STAB2: variants seen among roughly 807,000 people sequenced by gnomAD.
The protein encoded by STAB2 is stabilin 2, also known as stabilin-2.
Under a neutral mutation model 338.1 loss-of-function variants are expected in STAB2, and 288 were observed. The observed-to-expected ratio is 0.85, with a 90% CI of 0.77 to 0.94. The LOEUF is 0.94. STAB2 is among the 40% of genes least tolerant of loss of function. The pLI, the probability that STAB2 is intolerant of heterozygous loss-of-function variation, is 0.00. For missense variants in STAB2, 3,141 were observed against 3,210.1 expected (o/e 0.98, Z 0.52); for synonymous variants, 1,202 against 1,193.3 (o/e 1.01, Z -0.15).
At chr12:103,703,825 G>A (rs1879112773) in intron 35 of STAB2, among the ~76,000 whole-genome samples, 1 of 152,222 alleles carries the variant, frequency 6.6e-6, no homozygotes, top group Non-Finnish European at 1.5e-5. Context: ...CTCGTTATAT[G>A]CCGGGCACTG....
chr12:103,596,952 CAAAAAAAAAAAAA>C (rs35439238), intron 3 of STAB2, among the ~76,000 whole-genome samples: 9 of 64,482 alleles, frequency 1.4e-4, no homozygotes, highest in Admixed American at 2.0e-4. Context: ...GACCCTATCT[CAAAAAAAAAAAAA>C]AAAAAAAAAA....
chr12:103,713,768 G>T lies in STAB2; in HGVS notation c.4537G>T (p.Glu1513Ter), dbSNP rs1297575143. The T allele has an allele frequency of 1.2e-6, 2 of 1,613,552 alleles. No homozygotes were observed. The highest frequency in any genetic ancestry group is 3.3e-5 in the Admixed American group (2 of 59,994). ...CACGGGTGATGGCATTGTGTGCCTGGGTAGGTGTCCTTCCCTCTTCCATCG... is the reference window on the plus strand; with the variant it reads ...CACGGGTGATGGCATTGTGTGCCTGTGTAGGTGTCCTTCCCTCTTCCATCG... The part of the protein sequence containing the change: ...GYTGDGIVCL[E>*]INPCLENHGG... The change falls in exon 42 of 69, where the codon GAA becomes TAA. Residue 1513 changes from glutamate (E) to a stop codon, truncating the protein, a stop_gained and splice_region_variant. Coordinates refer to ENST00000388887, the MANE Select transcript of STAB2 (RefSeq NM_017564.10). LOFTEE classifies it high-confidence loss of function.
chr12:103,759,400 C>A, intron 65 of STAB2, 127 bp downstream of exon 65: 1 of 1,345,924 alleles, frequency 7.4e-7, no homozygotes, highest in Non-Finnish European at 9.9e-7. Context: ...AGATAGGGGA[C>A]GGTGTTAACT....
rs151309446 is a variant in STAB2 at position 103,699,172 on chromosome 12, G to C, written c.3659G>C (p.Arg1220Pro). 1.2e-6 allele frequency: 2 copies of C among 1,613,292 alleles called. No homozygotes were observed. The highest frequency in any genetic ancestry group is 1.1e-5 in the South Asian group (1 of 91,000). ...LKNDLHNGMHRETMLGFSYFL... is the reference protein window; with the variant it reads ...LKNDLHNGMHPETMLGFSYFL... ...AATGACCTGCACAATGGCATGCATC[G>C]TGAGACCATGCTGGGTTTCTCCTAT... is the stretch of plus-strand genomic sequence containing the variant. Residue 1220 changes from arginine to proline, a missense_variant, in exon 34 of 69, where the codon CGT becomes CCT. Arg to Pro is a moderately radical substitution (Grantham distance 103). Coordinates refer to ENST00000388887, the MANE Select transcript of STAB2 (RefSeq NM_017564.10).
intron 49 of STAB2, among the ~76,000 whole-genome samples, chr12:103,730,797 C>T (rs1362737590): frequency 6.6e-6 from 1 of 152,120 alleles, no homozygotes; most frequent in Admixed American, 6.5e-5. Context: ...ACCTGTAATC[C>T]CAGCAATCCG....
chr12:103,739,222 C>T (rs1223946253), intron 53 of STAB2, among the ~76,000 whole-genome samples, 190 bp from the exon 54 acceptor site: 1 of 151,382 alleles, frequency 6.6e-6, no homozygotes, highest in Non-Finnish European at 1.5e-5. Flanking sequence ...AGCAATCTTT[C>T]TGCCTTGGCC....
intron 13 of STAB2, 46 bp from the exon 14 acceptor site, chr12:103,655,205 C>A (rs770892432): frequency 1.3e-6 from 2 of 1,532,916 alleles, no homozygotes; most frequent in Non-Finnish European, 1.8e-6. Context: ...TTTCCTAAAT[C>A]ACAATATTTT....
chr12:103,765,071 A>G (rs1884826935), intron 68 of STAB2, among the ~76,000 whole-genome samples: 1 of 128,328 alleles, frequency 7.8e-6, no homozygotes, highest in Admixed American at 8.8e-5. Context: ...TGGGCAGCAG[A>G]GCAAGACTCT....
At chr12:103,655,711 C>A (rs1166494704) in intron 15 of STAB2, 130 bp downstream of exon 15, 1 of 1,089,038 alleles carries the variant, frequency 9.2e-7, no homozygotes, top group Non-Finnish European at 1.3e-6. Flanking sequence ...CTCCAACAAC[C>A]AAGGCAGGCA....
At chr12:103,699,031 T>A (rs1337929460) in intron 33 of STAB2, 65 bp from the exon 34 acceptor site, 27 of 1,549,512 alleles carry the variant, frequency 1.7e-5, no homozygotes, top group Non-Finnish European at 2.3e-5. Context: ...TGACAGCACA[T>A]GGGAGAAGCT....
At chr12:103,674,134 G>A (rs771938781) in intron 23 of STAB2, 47 bp downstream of exon 23, 3 of 1,571,344 alleles carry the variant, frequency 1.9e-6, no homozygotes, top group East Asian at 4.5e-5. Context: ...GTCATTAAGT[G>A]TAAGGGGATG....
intron 18 of STAB2, among the ~76,000 whole-genome samples, chr12:103,665,231 G>A (rs1874970461): frequency 6.6e-6 from 1 of 152,220 alleles, no homozygotes; most frequent in Non-Finnish European, 1.5e-5. Context: ...CTAGCAAAGA[G>A]TAGAAGCAGC....
chr12:103,725,797 C>G (rs575508109), intron 45 of STAB2, among the ~76,000 whole-genome samples: 4 of 152,160 alleles, frequency 2.6e-5, no homozygotes, highest in African/African-American at 9.6e-5. Flanking sequence ...CTAGAGTAAC[C>G]AAATCTGCCA....
intron 36 of STAB2, 115 bp downstream of exon 36, chr12:103,704,729 A>G (rs1566030911): frequency 9.9e-6 from 9 of 905,628 alleles, no homozygotes; most frequent in Middle Eastern, 2.3e-4. Flanking sequence ...CTTAATTTGA[A>G]TTACACTTTA....
intron 37 of STAB2, 96 bp downstream of exon 37, chr12:103,705,823 T>G: frequency 2.7e-6 from 3 of 1,122,020 alleles, no homozygotes; most frequent in Non-Finnish European, 4.0e-6. Flanking sequence ...AGGTATGCTT[T>G]CTGCCATCTC....
intron 27 of STAB2, among the ~76,000 whole-genome samples, chr12:103,687,500 A>G (rs1003693403): frequency 1.3e-5 from 2 of 151,754 alleles, no homozygotes; most frequent in Non-Finnish European, 2.9e-5. Flanking sequence ...GCTTCCCTTC[A>G]CCCCACCCCA....
chr12:103,631,946 T>A (rs1211680245), intron 6 of STAB2, among the ~76,000 whole-genome samples: 2 of 152,100 alleles, frequency 1.3e-5, no homozygotes, highest in Non-Finnish European at 2.9e-5. Context: ...AAGGTTGAAC[T>A]GGAGGCCAGG....
At chr12:103,746,749 A>G (rs1461625130) in intron 58 of STAB2, 45 bp downstream of exon 58, 1 of 1,592,008 alleles carries the variant, frequency 6.3e-7, no homozygotes, top group Non-Finnish European at 8.6e-7. Context: ...ATGGTGTGGG[A>G]GAGGAGCAGG....
rs553462530 is a variant in STAB2, at chr12:103,642,496, C to T, written c.1040+2240C>T. 3.3e-5 allele frequency among the ~76,000 whole-genome samples: 5 copies of T among 152,330 alleles called. No homozygotes were observed. In the East Asian group the frequency reaches 9.7e-4, roughly 29 times the overall value. ...AGATCTGTACAGGTTGGGATATCCT[C>T]AGTGTAAACAGTCTTCCCAAGAGTC... On this transcript the variant is annotated intron_variant, in intron 9 of 68. Transcript: ENST00000388887.
Sources: allele counts gnomAD v4.1 joint callset (sites outside exome capture counted in the v4.1 genomes callset), GRCh38; gene constraint gnomAD v4.1.1; transcripts MANE v1.5; gene names NCBI Gene and HGNC (gene_info 2026-07-23, HGNC 2026-07-21).